The following SCML2 variants were observed in gnomAD, a reference collection of about 807,000 sequenced individuals.
SCML2 encodes Scm polycomb group protein like 2, also known as sex comb on midleg-like protein 2.
A neutral mutation model predicts 48.4 loss-of-function variants in SCML2; 6 were observed. That is an observed-to-expected ratio of 0.12 (90% confidence interval 0.07 to 0.24). The LOEUF (loss-of-function observed/expected upper bound fraction) is 0.24. Among genes scored for constraint, SCML2 ranks in the 10% least tolerant of loss-of-function variants. SCML2 has a pLI of 1.00. For synonymous variants in SCML2, 181 were observed against 189.5 expected, an observed-to-expected ratio of 0.95 and a Z score of 0.37; for missense variants, 377 against 528.2, an observed-to-expected ratio of 0.71 and a Z score of 2.81.
chrX:18,308,377 G>A (rs1432909116), intron 6 of SCML2, among the ~76,000 whole-genome samples: 3 of 102,174 alleles, frequency 2.9e-5, no homozygotes, highest in Non-Finnish European at 6.0e-5. Context: ...GAGGGAGGGA[G>A]GGAAGGACAA....
intron 6 of SCML2, among the ~76,000 whole-genome samples, chrX:18,315,760 A>C (rs1194220713): frequency 8.9e-6 from 1 of 112,015 alleles, no homozygotes; most frequent in African/African-American, 3.2e-5. Context: ...AGTGTTTCAA[A>C]ACAACTTATG....
At chrX:18,268,805 G>A (rs759245444) in intron 7 of SCML2, among the ~76,000 whole-genome samples, 7 of 109,371 alleles carry the variant, frequency 6.4e-5, no homozygotes, top group East Asian at 5.7e-4. Context: ...TCTAGTTTTC[G>A]AAGTCCAATC....
Position 18,241,320 on chromosome X carries a change from C to A in SCML2, c.2034G>T (p.Gly678=). 6 of 1,197,131 alleles carry A rather than the reference C, an allele frequency of 5.0e-6. No homozygotes were observed. The highest frequency in any genetic ancestry group is 6.8e-6 in the Non-Finnish European group (6 of 886,227). ...LKSDVMMKYM[G]LKLGPALKLC... ...GCTTTAATGCTGGCCCCAGCTTCAG[C>A]CCCATATACTTCATCATCACATCAC... The change falls in exon 15 of 15, where the codon GGG becomes GGT. Residue 678 remains glycine (G), a synonymous_variant. Coordinates refer to ENST00000251900, the MANE Select transcript of SCML2 (RefSeq NM_006089.3).
At chrX:18,244,012 A>C (rs1926356372) in intron 13 of SCML2, among the ~76,000 whole-genome samples, 1 of 112,303 alleles carries the variant, frequency 8.9e-6, no homozygotes, top group South Asian at 3.7e-4. Flanking sequence ...AGGATAAAGA[A>C]AAACAGAAAA....
At chrX:18,276,155 C>T (rs921052368) in intron 7 of SCML2, among the ~76,000 whole-genome samples, 1 of 111,368 alleles carries the variant, frequency 9.0e-6, no homozygotes, top group Non-Finnish European at 1.9e-5. Flanking sequence ...ATCCGCCAGG[C>T]GTGGTGGTGC....
At chrX:18,328,718 C>T (rs1269696394) in intron 3 of SCML2, among the ~76,000 whole-genome samples, 1 of 111,521 alleles carries the variant, frequency 9.0e-6, no homozygotes, top group Non-Finnish European at 1.9e-5. Context: ...CTATATTGTT[C>T]GTAACTGGAT....
In SCML2 at chrX:18,247,807, G is replaced by C; in HGVS notation, c.1532C>G (p.Ser511Cys). ...QQTVPYVVPL[S>C]PKLPKTKEYA... is the part of the protein sequence containing the mutation. ...CTCCTTTGTTTTGGGGAGCTTAGGA[G>C]AGAGAGGAACAACATATGGTACAGT... Residue 511 changes from serine to cysteine, a missense_variant, in exon 12 of 15, where the codon TCT (serine) becomes TGT (cysteine). By Grantham distance (112) the Ser-to-Cys change is moderately radical. Around this residue, in one of 3 missense-constraint regions of SCML2, gnomAD observed 299 missense variants for 425.5 expected, o/e 0.70. Transcript: ENST00000251900. 6 of 1,210,462 alleles carry C rather than the reference G, an allele frequency of 5.0e-6. No individual in the cohort carries two copies. The highest frequency in any genetic ancestry group is 6.7e-6 in the Non-Finnish European group (6 of 894,166).
In SCML2 at chrX:18,350,740, A is replaced by T. The variant is rs962125444; in HGVS notation, c.-25+3852T>A. On this transcript the variant is annotated intron_variant, in intron 1 of 14. Coordinates refer to ENST00000251900, the MANE Select transcript of SCML2 (RefSeq NM_006089.3). ...CCTGGGTAACAGAGCAAGACTCCGT[A>T]TCAAAAAAAGAACTACCACAAACTC... 6.6e-4 allele frequency among the ~76,000 whole-genome samples: 73 copies of T among 111,353 alleles called. 1 individual carries two copies. Among genetic ancestry groups the T allele is most frequent in the African/African-American group, 2.1e-3 (65 of 30,686 alleles).
intron 14 of SCML2, among the ~76,000 whole-genome samples, chrX:18,242,204 T>C (rs1355386290): frequency 9.0e-6 from 1 of 111,600 alleles, no homozygotes; most frequent in Admixed American, 9.6e-5. Flanking sequence ...TGCTGAATCA[T>C]CGTATCTTGA....
intron 7 of SCML2, among the ~76,000 whole-genome samples, chrX:18,304,153 C>T (rs1192325056): frequency 9.0e-6 from 1 of 111,697 alleles, no homozygotes; most frequent in African/African-American, 3.3e-5. Context: ...TATTCTCCTG[C>T]CTCAGCCTCC....
chrX:18,353,149 A>C lies in SCML2; in HGVS notation c.-25+1443T>G, dbSNP rs746533299. On this transcript the variant is annotated intron_variant, in intron 1 of 14. Transcript: ENST00000251900. ...CCATTAAATAGAAAAAAAAAAAAAA[A>C]ACACACAAACAGCCTGAAAGCACAT... Among the ~76,000 whole-genome samples, 164 of 110,656 alleles carry C rather than the reference A, an allele frequency of 1.5e-3. 1 individual carries two copies. Among genetic ancestry groups the C allele is most frequent in the African/African-American group, 3.1e-3 (95 of 30,512 alleles).
At chrX:18,281,270 T>G (rs1398005862) in intron 7 of SCML2, among the ~76,000 whole-genome samples, 1 of 113,108 alleles carries the variant, frequency 8.8e-6, no homozygotes, top group Non-Finnish European at 1.9e-5. Flanking sequence ...ACACCAAAAT[T>G]AAGGCTGAAA....
chrX:18,243,864 T>C (rs1344252043), intron 13 of SCML2, among the ~76,000 whole-genome samples: 1 of 112,001 alleles, frequency 8.9e-6, no homozygotes, highest in Non-Finnish European at 1.9e-5. Flanking sequence ...GCTAGGAAGA[T>C]TTGTTTTGCT....
chrX:18,327,233 G>A (rs966518318), intron 3 of SCML2, among the ~76,000 whole-genome samples: 3 of 110,054 alleles, frequency 2.7e-5, no homozygotes, highest in African/African-American at 9.9e-5. Flanking sequence ...GCTGGGCATC[G>A]TGGCGGGTGC....
intron 1 of SCML2, among the ~76,000 whole-genome samples, chrX:18,349,647 A>C (rs760754255): frequency 1.7e-4 from 19 of 111,419 alleles, no homozygotes; most frequent in Non-Finnish European, 2.8e-4. Context: ...TTTTTAAAAA[A>C]TTAGCTGGGC....
At chrX:18,242,651 G>C in intron 13 of SCML2, 61 bp from the exon 14 acceptor site, 2 of 1,105,493 alleles carry the variant, frequency 1.8e-6, no homozygotes, top group Non-Finnish European at 2.4e-6. Context: ...TGAAAGAAGA[G>C]ATGTTAGGTA....
chrX:18,300,751 A>G (rs1928559033), intron 7 of SCML2, among the ~76,000 whole-genome samples: 1 of 107,863 alleles, frequency 9.3e-6, no homozygotes, highest in Non-Finnish European at 1.9e-5. Context: ...AGTTCACACC[A>G]CTGCACTCCA....
At chrX:18,275,529 T>C (rs1927601112) in intron 7 of SCML2, among the ~76,000 whole-genome samples, 1 of 112,598 alleles carries the variant, frequency 8.9e-6, no homozygotes, top group Admixed American at 9.4e-5. Flanking sequence ...CTTATCTTTA[T>C]TTACATATAT....
intron 3 of SCML2, among the ~76,000 whole-genome samples, chrX:18,328,810 T>C (rs1419549269): frequency 8.9e-6 from 1 of 112,606 alleles, no homozygotes; most frequent in Non-Finnish European, 1.9e-5. Context: ...ATTAAAACCC[T>C]GGCTCTCTTG....
Sources: allele counts gnomAD v4.1 joint callset (sites outside exome capture counted in the v4.1 genomes callset), GRCh38; gene constraint gnomAD v4.1.1; regional missense constraint gnomAD v4.1.1; transcripts MANE v1.5; gene names NCBI Gene and HGNC (gene_info 2026-07-23, HGNC 2026-07-21).